The following HHIPL1 variants were observed in gnomAD, a reference collection of about 807,000 sequenced individuals.
HHIPL1 encodes HHIP like 1, also known as HHIP-like protein 1.
A neutral mutation model predicts 61.8 loss-of-function variants in HHIPL1; 43 were observed. The observed-to-expected ratio is 0.70, with a 90% CI of 0.55 to 0.90. HHIPL1 has a LOEUF of 0.90. Among genes scored for constraint, HHIPL1 ranks in the 40% least tolerant of loss-of-function variants. The pLI is 0.00. For missense variants in HHIPL1, 1,056 were observed against 1,157.7 expected (o/e 0.91, Z 1.28); for synonymous variants, 482 against 515.8 (o/e 0.93, Z 0.89).
chr14:99,662,682 C>T lies in HHIPL1; in HGVS notation c.1503-194C>T, dbSNP rs190478945. 9.5e-4 allele frequency among the ~76,000 whole-genome samples: 145 copies of T among 152,286 alleles called. 1 individual carries two copies. The highest frequency in any genetic ancestry group is 1.1e-3 in the Non-Finnish European group (77 of 68,034). ...GTGACCCTGCATGCTCATTCTGCAT[C>T]GGGCTCTGCGAATTGTGTATGGTCC... On this transcript the variant is annotated intron_variant, in intron 5 of 8. Transcript: ENST00000330710.
At position 99,646,803 on chromosome 14, in the gene HHIPL1, ATATGATATGATATGATATGATATG is replaced by A. The variant is rs2055843548; in HGVS notation, c.255+1342_255+1365del. Among the ~76,000 whole-genome samples the A allele has an allele frequency of 4.6e-5, 2 of 43,572 alleles. 1 individual carries two copies. Among genetic ancestry groups the A allele is most frequent in the East Asian group, 1.7e-3 (2 of 1,156 alleles). The allele number at this position is 43,572 out of a possible 152,430, so 28.6% of individuals were successfully genotyped here. ...ATATAATATAATATAATATGATATG[ATATGATATGATATGATATGATATG>A]ATATGATATAATATAATATAATATA... On this transcript the variant is annotated intron_variant, in intron 1 of 8. Transcript: ENST00000330710.
At chr14:99,671,197 G>T (rs2056322818) in intron 7 of HHIPL1, among the ~76,000 whole-genome samples, 1 of 152,202 alleles carries the variant, frequency 6.6e-6, no homozygotes, top group Non-Finnish European at 1.5e-5. Flanking sequence ...AAATAAATGG[G>T]GAGTGGAGGA....
the HHIPL1 span, among the ~76,000 whole-genome samples, chr14:99,611,321 TCTCA>T: frequency 6.8e-6 from 1 of 146,998 alleles, no homozygotes; most frequent in African/African-American, 2.5e-5. Flanking sequence ...TGAGATGGAG[TCTCA>T]CTCTGTCACC....
In HHIPL1 at chr14:99,677,938, T is replaced by C. The variant is rs2140101446; in HGVS notation, c.*2312T>C. 6.6e-6 allele frequency: 1 copy of C among 152,290 alleles called. No homozygotes were observed. The highest frequency in any genetic ancestry group is 2.4e-5 in the African/African-American group (1 of 41,550). The allele number at this position is 152,290 out of a possible 1,614,324, so 9.4% of individuals were successfully genotyped here. On this transcript the variant is annotated 3_prime_UTR_variant, in exon 9 of 9. Transcript: ENST00000330710. This position sits in a 1 kb window ranked among gnomAD's most constrained non-coding sequence, Gnocchi z 4.3. ...TGCCTCCTGGGGACTCACTCCACAG[T>C]CCCCAGGTCAGTGGTCCCCAACCTT... is the stretch of plus-strand genomic sequence containing the variant.
the HHIPL1 span, among the ~76,000 whole-genome samples, chr14:99,632,648 C>T: frequency 5.9e-5 from 9 of 152,282 alleles, no homozygotes; most frequent in South Asian, 1.5e-3. Flanking sequence ...GACTGCATCA[C>T]CCCCAACTCT....
intron 8 of HHIPL1, among the ~76,000 whole-genome samples, chr14:99,674,018 G>A (rs534459068): frequency 1.3e-5 from 2 of 151,928 alleles, no homozygotes; most frequent in Admixed American, 6.5e-5. Context: ...AGCCTGAGGA[G>A]CAGGAGGTGG....
chr14:99,605,243 G>C, the HHIPL1 span, among the ~76,000 whole-genome samples: 1 of 152,260 alleles, frequency 6.6e-6, no homozygotes, highest in Non-Finnish European at 1.5e-5. Context: ...GGGTCCGGGG[G>C]CGCCGAGCCG....
intron 5 of HHIPL1, among the ~76,000 whole-genome samples, chr14:99,662,116 G>A (rs538348134): frequency 2.6e-5 from 4 of 152,200 alleles, no homozygotes; most frequent in African/African-American, 9.6e-5. Flanking sequence ...TTTCCCAGCC[G>A]CTCTGCTGGG....
At position 99,675,589 on chromosome 14, in the gene HHIPL1, C is replaced by T. The variant is rs1231203394; in HGVS notation, c.2312C>T (p.Ala771Val). Residue 771 changes from alanine (A) to valine (V), a missense_variant, in exon 9 of 9, where the codon GCG becomes GTG. By Grantham distance (64) the Ala-to-Val change is moderately conservative (BLOSUM62 0). Transcript: ENST00000330710. This position sits in a 1 kb window ranked among gnomAD's most constrained non-coding sequence, Gnocchi z 5.4. ...GTHNCEHDED[A>V]GVVCSHQNPD... The stretch of plus-strand genomic sequence containing the variant: ...CACAACTGCGAGCACGACGAGGATG[C>T]GGGCGTCGTGTGCAGCCACCAGAAC... 9 of 1,531,900 alleles carry T rather than the reference C, an allele frequency of 5.9e-6. No individual in the cohort carries two copies. The highest frequency in any genetic ancestry group is 2.7e-5 in the African/African-American group (2 of 72,746). 94.9% of individuals were successfully genotyped at this position (1,531,900 alleles called of 1,614,324 possible). A position where few individuals can be genotyped will look rare whatever the true frequency, so the allele number is the denominator to read the frequency against.
chr14:99,649,817 A>G (rs1306607386), intron 1 of HHIPL1, among the ~76,000 whole-genome samples: 3 of 152,156 alleles, frequency 2.0e-5, no homozygotes, highest in Non-Finnish European at 4.4e-5. Flanking sequence ...AAATAAAATA[A>G]AATAGTGACA....
chr14:99,634,096 C>T, the HHIPL1 span, among the ~76,000 whole-genome samples: 1 of 152,226 alleles, frequency 6.6e-6, no homozygotes, highest in Non-Finnish European at 1.5e-5. Flanking sequence ...CGAGCACTCA[C>T]AGTTGGCACT....
rs1222135387 is a variant in HHIPL1 at position 99,659,726 on chromosome 14, G to T, written c.1345G>T (p.Asp449Tyr). 2.7e-6 allele frequency: 4 copies of T among 1,455,136 alleles called. No individual in the cohort carries two copies. Among genetic ancestry groups the T allele is most frequent in the South Asian group, 2.9e-5 (2 of 68,926 alleles). 90.1% of individuals were successfully genotyped at this position (1,455,136 alleles called of 1,614,324 possible). ...CGCGCGCGAAGGGTTCGAGTGCTAC[G>T]ACCGCAGCCTGTGCGCCAACACCTC... ...WRAREGFECY[D>Y]RSLCANTSLN... The change falls in exon 4 of 9, where the codon GAC becomes TAC. Residue 449 changes from aspartate (D) to tyrosine (Y), a missense_variant. Transcript: ENST00000330710.
the HHIPL1 span, among the ~76,000 whole-genome samples, chr14:99,629,933 C>A: frequency 6.6e-6 from 1 of 152,234 alleles, no homozygotes; most frequent in Non-Finnish European, 1.5e-5. Context: ...CCTTCAGTTA[C>A]AGCAGAACTG....
rs1448853523 is a variant in HHIPL1 at position 99,678,740 on chromosome 14, TA to T, written c.*3117del. The T allele has an allele frequency of 3.9e-5, 6 of 152,040 alleles. No homozygotes were observed. Among genetic ancestry groups the T allele is most frequent in the African/African-American group, 1.5e-4 (6 of 41,378 alleles). The allele number at this position is 152,040 out of a possible 1,614,324, so 9.4% of individuals were successfully genotyped here. The stretch of plus-strand genomic sequence containing the variant: ...GCACGTCCAGCACAGATATCTTGGT[TA>T]AAGTATAAGGACATAGAACGTACTA... On this transcript the variant is annotated 3_prime_UTR_variant, in exon 9 of 9. Transcript: ENST00000330710.
intron 1 of HHIPL1, among the ~76,000 whole-genome samples, chr14:99,651,818 C>T (rs1287191050): frequency 1.3e-5 from 2 of 152,060 alleles, no homozygotes; most frequent in South Asian, 2.1e-4. Context: ...CTAGAGGGTG[C>T]GGACGGGGTG....
chr14:99,671,330 T>A (rs779001188), intron 7 of HHIPL1, among the ~76,000 whole-genome samples: 5 of 152,210 alleles, frequency 3.3e-5, no homozygotes, highest in Non-Finnish European at 5.9e-5. Context: ...AAAGCCCCAC[T>A]GGGTCTGTCT....
chr14:99,675,168 A>G lies in HHIPL1; in HGVS notation c.1891A>G (p.Thr631Ala), dbSNP rs1407889254. The change falls in exon 9 of 9, where the codon ACG becomes GCG. Residue 631 changes from threonine to alanine, a missense_variant. Physicochemically the swap from Thr to Ala is moderately conservative, Grantham distance 58. Transcript: ENST00000330710. The surrounding 1 kb of genome is among the most constrained non-coding windows in gnomAD (Gnocchi z 5.4). ...GCGGGCGCCCCGCCGAGGGCGCCCC[A>G]CGGCCGCTCCCCCCGCGCCAACCCC... ...PTRAPRRGRP[T>A]AAPPAPTPRP... The G allele has an allele frequency of 9.0e-7, 1 of 1,109,870 alleles. No homozygotes were observed. Among genetic ancestry groups the G allele is most frequent in the East Asian group, 5.6e-5 (1 of 17,702 alleles). 68.8% of individuals were successfully genotyped at this position (1,109,870 alleles called of 1,614,324 possible). A position where few individuals can be genotyped will look rare whatever the true frequency, so the allele number is the denominator to read the frequency against.
At chr14:99,643,844 C>G (rs765414752), upstream of HHIPL1, among the ~76,000 whole-genome samples, 11 of 152,198 alleles carry the variant, frequency 7.2e-5, no homozygotes, top group Non-Finnish European at 1.6e-4. Flanking sequence ...CAGCTGTGGC[C>G]AGACAGGCCT....
chr14:99,637,030 AGAAAGAAAGAAAGAAAGAAGGAAG>A, the HHIPL1 span, among the ~76,000 whole-genome samples: 145 of 121,848 alleles, frequency 1.2e-3, 7 homozygotes, highest in Middle Eastern at 0.015. Context: ...AAAGAAAGAA[AGAAAGAAAGAAAGAAAGAAGGAAG>A]GAAGGAAAAA....
Sources: gnomAD v4.1 joint callset for allele counts (sites outside exome capture counted in the v4.1 genomes callset) on GRCh38, gnomAD v4.1.1 for gene constraint, Gnocchi (gnomAD v3.1) non-coding constraint, MANE v1.5 for transcripts, NCBI Gene and HGNC (gene_info 2026-07-23, HGNC 2026-07-21) for gene names.